ENOSF1: variants seen among roughly 807,000 people sequenced by gnomAD.
The protein encoded by ENOSF1 is mitochondrial enolase superfamily member 1.
ENOSF1 carries 73 observed loss-of-function variants against 68.2 expected under a neutral mutation model. The observed-to-expected ratio is 1.07, with a 90% CI of 0.89 to 1.30. ENOSF1 has a LOEUF of 1.30. Ranked by LOEUF, ENOSF1 falls within the 50% of genes most tolerant of loss-of-function variation. ENOSF1 has a pLI of 0.00. For missense variants in ENOSF1, 589 were observed against 554.5 expected, an observed-to-expected ratio of 1.06 and a Z score of -0.62; for synonymous variants, 223 against 210.4, an observed-to-expected ratio of 1.06 and a Z score of -0.52.
At chr18:679,208 CTTTTTTT>C (rs71174268) in intron 11 of ENOSF1, among the ~76,000 whole-genome samples, 8 of 123,804 alleles carry the variant, frequency 6.5e-5, no homozygotes, top group African/African-American at 2.5e-4. Context: ...CCTCTCATAT[CTTTTTTT>C]TTTTTTTTTT....
downstream of ENOSF1, among the ~76,000 whole-genome samples, chr18:665,974 A>G (rs1465445023): frequency 1.0e-4 from 10 of 96,624 alleles, no homozygotes; most frequent in African/African-American, 3.4e-4. Flanking sequence ...TGCGGTGCTG[A>G]AAAAAATGTA....
At chr18:675,176 T>A (rs2075351616) in intron 15 of ENOSF1, 145 bp downstream of exon 15, 1 of 685,670 alleles carries the variant, frequency 1.5e-6, no homozygotes, top group African/African-American at 1.8e-5. Context: ...AGGATTTTGA[T>A]ACAGACAAAC....
chr18:669,341 C>A, downstream of ENOSF1: 4 of 518,880 alleles, frequency 7.7e-6, no homozygotes, highest in East Asian at 3.0e-5. Context: ...CTTTCACCTT[C>A]AGATCATGAG....
Position 712,513 on chromosome 18 carries a change from C to T in ENOSF1, c.75G>A (p.Ala25=), listed in dbSNP as rs1285082586. The change falls in exon 1 of 16, where the codon GCG becomes GCA. Residue 25 remains alanine (A), a synonymous_variant. Transcript: ENST00000647584. ...TGGCGTCCGCGCTTACCATGGCGTC[C>T]GCGCCGTGGCCCCCAAGCGACGTGG... is the stretch of plus-strand genomic sequence containing the variant. ...RFPTSLGGHG[A]DAMHTDPDYS... 6 of 1,538,966 alleles carry T rather than the reference C, an allele frequency of 3.9e-6. No individual in the cohort carries two copies.
chr18:700,740 C>T (rs1029603105), intron 2 of ENOSF1, among the ~76,000 whole-genome samples: 6 of 151,832 alleles, frequency 4.0e-5, no homozygotes, highest in Admixed American at 3.3e-4. Context: ...CAAAAATTAG[C>T]TGGGTGTGGT....
chr18:691,113 G>C lies in ENOSF1; in HGVS notation c.497-7C>G. ...TGACCTTTCTGCAGTATTTCTGGAA[G>C]AAATAAAAAGCATCACTCACTCTTT... On this transcript the variant is annotated splice_region_variant and splice_polypyrimidine_tract_variant and intron_variant, in intron 6 of 15. Coordinates refer to ENST00000647584, the MANE Select transcript of ENOSF1 (RefSeq NM_017512.7). 2.5e-6 allele frequency: 4 copies of C among 1,614,026 alleles called. No individual in the cohort carries two copies. The highest frequency in any genetic ancestry group is 3.4e-6 in the Non-Finnish European group (4 of 1,179,930).
At chr18:693,281 C>A in intron 5 of ENOSF1, 1 of 1,274,482 alleles carries the variant, frequency 7.8e-7, no homozygotes, top group Admixed American at 2.4e-5. Flanking sequence ...GCTACAATGG[C>A]CTGATCTTAT....
At position 672,990 on chromosome 18, in the gene ENOSF1, C is replaced by T. The variant is rs1289319018; in HGVS notation, c.*1315G>A. The T allele has an allele frequency of 1.3e-6, 2 of 1,563,530 alleles. No homozygotes were observed. The highest frequency in any genetic ancestry group is 8.8e-7 in the Non-Finnish European group (1 of 1,141,726). ...CATCCAACTATTAAAATGGAAATGG[C>T]TGTTTAGGGTGCTTTCAAAGGAGCT... On this transcript the variant is annotated 3_prime_UTR_variant, in exon 16 of 16. Coordinates refer to ENST00000647584, the MANE Select transcript of ENOSF1 (RefSeq NM_017512.7).
At chr18:684,134 C>T (rs2076387707) in intron 10 of ENOSF1, among the ~76,000 whole-genome samples, 2 of 151,926 alleles carry the variant, frequency 1.3e-5, no homozygotes, top group Non-Finnish European at 2.9e-5. Context: ...GCTGGGACTA[C>T]AGGCGCCCAC....
intron 9 of ENOSF1, 78 bp from the exon 10 acceptor site, chr18:686,086 A>C (rs1189062360): frequency 8.2e-6 from 8 of 972,962 alleles, no homozygotes; most frequent in Non-Finnish European, 1.3e-5. Context: ...TGCAGAAGTG[A>C]CCGTCTCTGT....
chr18:683,077 G>C lies in ENOSF1; in HGVS notation c.876+169C>G, dbSNP rs543561793. ...AAAGTATAAGCTGAAGTAGAAAAAG[G>C]AATGTCAGGTCTGTAACCCCTGTAT... On this transcript the variant is annotated intron_variant, in intron 11 of 15. Coordinates refer to ENST00000647584, the MANE Select transcript of ENOSF1 (RefSeq NM_017512.7). 71 of 769,774 alleles carry C rather than the reference G, an allele frequency of 9.2e-5. No homozygotes were observed. In the East Asian group the frequency reaches 1.8e-3, roughly 20 times the overall value. 47.7% of individuals were successfully genotyped at this position (769,774 alleles called of 1,614,324 possible).
chr18:679,330 C>T (rs1457960536), intron 11 of ENOSF1, among the ~76,000 whole-genome samples: 6 of 151,830 alleles, frequency 4.0e-5, no homozygotes, highest in Non-Finnish European at 8.8e-5. Context: ...GTGCCTCAGC[C>T]TCCTGAGTAG....
In ENOSF1 at chr18:673,099, C is replaced by G; in HGVS notation, c.*1206G>C. 1.6e-6 allele frequency: 2 copies of G among 1,285,184 alleles called. No individual in the cohort carries two copies. Among genetic ancestry groups the G allele is most frequent in the Non-Finnish European group, 1.0e-6 (1 of 955,096 alleles). 79.6% of individuals were successfully genotyped at this position (1,285,184 alleles called of 1,614,324 possible). On this transcript the variant is annotated 3_prime_UTR_variant, in exon 16 of 16. Transcript: ENST00000647584. Reference sequence around the variant, plus strand: ...GCTCTAAAAGAAAAAGGAACTAGGTCAAAAATCTGTCCGTGACCTATCAGT... The same window carrying G: ...GCTCTAAAAGAAAAAGGAACTAGGTGAAAAATCTGTCCGTGACCTATCAGT...
intron 5 of ENOSF1, 137 bp from the exon 6 acceptor site, chr18:691,413 A>G (rs1568080178): frequency 6.0e-6 from 4 of 670,304 alleles, no homozygotes; most frequent in Non-Finnish European, 1.0e-5. Flanking sequence ...TGATGCCATC[A>G]TAGCTCACTG....
In ENOSF1 at chr18:677,742, C is replaced by T; in HGVS notation, c.1048+1G>A. ...GTCTGCAGCCGCTGCAGCACGCTTACTTTCAAACTTTTTGGCCATCAGCAA... is the reference window on the plus strand; with the variant it reads ...GTCTGCAGCCGCTGCAGCACGCTTATTTTCAAACTTTTTGGCCATCAGCAA... On this transcript the variant is annotated splice_donor_variant, in intron 13 of 15. Coordinates refer to ENST00000647584, the MANE Select transcript of ENOSF1 (RefSeq NM_017512.7). LOFTEE classifies it high-confidence loss of function. 1.2e-6 allele frequency: 2 copies of T among 1,612,362 alleles called. No homozygotes were observed. Among genetic ancestry groups the T allele is most frequent in the Admixed American group, 1.7e-5 (1 of 59,630 alleles).
At chr18:705,318 G>A (rs2078817378) in intron 2 of ENOSF1, among the ~76,000 whole-genome samples, 1 of 152,192 alleles carries the variant, frequency 6.6e-6, no homozygotes, top group Non-Finnish European at 1.5e-5. Flanking sequence ...ATCTGGCGAA[G>A]GCCACTGTTT....
chr18:669,080 G>A, downstream of ENOSF1: 3 of 1,613,852 alleles, frequency 1.9e-6, no homozygotes, highest in Non-Finnish European at 2.5e-6. Flanking sequence ...AGATTATTCA[G>A]GACAGGGAGT....
At chr18:669,476 G>C, downstream of ENOSF1, 1 of 223,024 alleles carries the variant, frequency 4.5e-6, no homozygotes, top group Non-Finnish European at 9.0e-6. Context: ...GGGTTCGAGT[G>C]ATTCTCCTGC....
intron 8 of ENOSF1, 92 bp downstream of exon 8, chr18:690,457 G>A (rs768342655): frequency 1.0e-5 from 14 of 1,375,502 alleles, no homozygotes; most frequent in Non-Finnish European, 1.3e-5. Context: ...TGTCAGAAGT[G>A]AGGTACTGAG....
Sources: gnomAD v4.1 joint callset for allele counts (sites outside exome capture counted in the v4.1 genomes callset) on GRCh38, gnomAD v4.1.1 for gene constraint, MANE v1.5 for transcripts, NCBI Gene and HGNC (gene_info 2026-07-23, HGNC 2026-07-21) for gene names.